PALLD: variants seen among roughly 807,000 people sequenced by gnomAD.
PALLD encodes the protein palladin, cytoskeletal associated protein.
In PALLD, 61 loss-of-function variants were observed where a neutral mutation model predicts 123.5. That is an observed-to-expected ratio of 0.49 (90% CI 0.40 to 0.61). PALLD has a LOEUF of 0.61. Ranked by LOEUF, PALLD falls within the 20% of genes least tolerant of loss-of-function variation. The pLI, the probability that PALLD is intolerant of heterozygous loss-of-function variation, is 0.00. For synonymous variants in PALLD, 465 were observed against 496.4 expected, an observed-to-expected ratio of 0.94 and a Z score of 0.84; for missense variants, 1,273 against 1,377.0, an observed-to-expected ratio of 0.92 and a Z score of 1.20.
At chr4:168,729,372 C>T (rs1786925375) in intron 10 of PALLD, among the ~76,000 whole-genome samples, 1 of 151,922 alleles carries the variant, frequency 6.6e-6, no homozygotes, top group Non-Finnish European at 1.5e-5. Flanking sequence ...CTATGTTGCC[C>T]AGGCTGGTCT....
At chr4:168,530,873 G>T (rs200469001) in intron 2 of PALLD, among the ~76,000 whole-genome samples, 2 of 152,132 alleles carry the variant, frequency 1.3e-5, no homozygotes, top group East Asian at 3.9e-4. Context: ...TTTCTTCTCA[G>T]CTTTCTCTTT....
chr4:168,709,633 A>G (rs377453383), intron 9 of PALLD, among the ~76,000 whole-genome samples: 3 of 280 alleles, frequency 0.011, 1 homozygote, highest in African/African-American at 0.042. Context: ...GGAAGGAAGG[A>G]AGGAAGGAAG....
At chr4:168,783,640 G>A (rs990370118) in intron 10 of PALLD, among the ~76,000 whole-genome samples, 6 of 152,146 alleles carry the variant, frequency 3.9e-5, no homozygotes, top group African/African-American at 4.8e-5. Flanking sequence ...TAGCTTCCTC[G>A]TAGGGCTGTC....
chr4:168,810,061 G>A (rs1490533339), intron 10 of PALLD, among the ~76,000 whole-genome samples: 1 of 151,762 alleles, frequency 6.6e-6, no homozygotes, highest in Admixed American at 6.6e-5. Context: ...GGGAGCACTA[G>A]GAAGAGGAAT....
chr4:168,722,726 A>G (rs1244546408), intron 10 of PALLD, among the ~76,000 whole-genome samples: 1 of 152,224 alleles, frequency 6.6e-6, no homozygotes, highest in Non-Finnish European at 1.5e-5. Flanking sequence ...TTATTTCAGC[A>G]ATAATGAGCA....
chr4:168,712,815 G>T (rs1030925061), intron 10 of PALLD, among the ~76,000 whole-genome samples: 3 of 152,064 alleles, frequency 2.0e-5, no homozygotes, highest in Admixed American at 2.0e-4. Context: ...TTTTTGATTT[G>T]GGGCAGGAAG....
intron 2 of PALLD, among the ~76,000 whole-genome samples, chr4:168,557,133 T>C (rs1392101525): frequency 1.3e-5 from 2 of 152,136 alleles, no homozygotes; most frequent in Non-Finnish European, 2.9e-5. Context: ...AACCTCCACC[T>C]CCCGGCTTCA....
At chr4:168,742,782 C>T (rs1788487239) in intron 10 of PALLD, among the ~76,000 whole-genome samples, 1 of 152,122 alleles carries the variant, frequency 6.6e-6, no homozygotes, top group South Asian at 2.1e-4. Flanking sequence ...ATATGTTAAT[C>T]ATAAGCTCTG....
intron 2 of PALLD, among the ~76,000 whole-genome samples, chr4:168,655,945 A>G: frequency 6.6e-6 from 1 of 152,218 alleles, no homozygotes; most frequent in Non-Finnish European, 1.5e-5. Context: ...CATAGAGTCG[A>G]AGACACCAAT....
chr4:168,850,519 A>ATTTTTT (rs1374881847), intron 10 of PALLD, among the ~76,000 whole-genome samples: 2 of 24,686 alleles, frequency 8.1e-5, no homozygotes, highest in African/African-American at 2.4e-4. Context: ...TAAGTCTGTC[A>ATTTTTT]TTTCTTTTTT....
rs553592186 is a variant in PALLD, at chr4:168,713,239, C to T, written c.1964+1316C>T. On this transcript the variant is annotated intron_variant, in intron 10 of 21. Coordinates refer to ENST00000505667, the MANE Select transcript of PALLD (RefSeq NM_001166108.2). ...TGAACATTTAATACCTATGCGCCAT[C>T]TCCATTCAGAGGCTGAACAGGTATA... 2.6e-5 allele frequency among the ~76,000 whole-genome samples: 4 copies of T among 152,334 alleles called. 1 individual carries two copies. The highest frequency in any genetic ancestry group is 7.2e-5 in the African/African-American group (3 of 41,572).
chr4:168,515,444 G>A (rs559941881), intron 2 of PALLD, among the ~76,000 whole-genome samples: 1 of 152,326 alleles, frequency 6.6e-6, no homozygotes, highest in African/African-American at 2.4e-5. Context: ...GCAGTTGACA[G>A]ACGTGTGGAG....
chr4:168,587,967 A>C (rs991202395), intron 2 of PALLD, among the ~76,000 whole-genome samples: 17 of 152,014 alleles, frequency 1.1e-4, no homozygotes, highest in Non-Finnish European at 1.9e-4. Flanking sequence ...ACAAGAAGGG[A>C]GTCTCCTGGT....
At chr4:168,822,267 T>G (rs1742832310) in intron 10 of PALLD, among the ~76,000 whole-genome samples, 1 of 152,080 alleles carries the variant, frequency 6.6e-6, no homozygotes, top group Non-Finnish European at 1.5e-5. Context: ...GTTTTAGATT[T>G]TTTTCTTTTT....
intron 2 of PALLD, among the ~76,000 whole-genome samples, chr4:168,558,333 C>A (rs1269191192): frequency 6.6e-6 from 1 of 152,210 alleles, no homozygotes; most frequent in Non-Finnish European, 1.5e-5. Context: ...CAGGTTAGAC[C>A]CCAGTCCATG....
At chr4:168,687,124 G>A (rs1193423471) in intron 6 of PALLD, among the ~76,000 whole-genome samples, 2 of 152,190 alleles carry the variant, frequency 1.3e-5, no homozygotes, top group African/African-American at 4.8e-5. Context: ...TAAAACTTTT[G>A]TGAGGCAGTA....
In PALLD at chr4:168,511,825, G is replaced by C. The variant is rs1561192471; in HGVS notation, c.321G>C (p.Glu107Asp). ...CAACACCTGTCCAGCCTCTGGCAGAGAAACAAACTAAGAGTATCTCTTCAC... is the reference window on the plus strand; with the variant it reads ...CAACACCTGTCCAGCCTCTGGCAGACAAACAAACTAAGAGTATCTCTTCAC... ...NRSTPVQPLA[E>D]KQTKSISSPV... The change falls in exon 2 of 22, where the codon GAG becomes GAC. Residue 107 changes from glutamate to aspartate, a missense_variant. Transcript: ENST00000505667. 6.2e-7 allele frequency: 1 copy of C among 1,614,152 alleles called. No homozygotes were observed. Among genetic ancestry groups the C allele is most frequent in the South Asian group, 1.1e-5 (1 of 91,082 alleles).
rs142277103 is a variant in PALLD at position 168,688,680 on chromosome 4, A to T, written c.1336-1923A>T. 6.2e-3 allele frequency among the ~76,000 whole-genome samples: 952 copies of T among 152,336 alleles called. 10 individuals are homozygous for T. Among genetic ancestry groups the T allele is most frequent in the African/African-American group, 0.021 (873 of 41,582 alleles). On this transcript the variant is annotated intron_variant, in intron 6 of 21. Coordinates refer to ENST00000505667, the MANE Select transcript of PALLD (RefSeq NM_001166108.2). ...TTGCCAAGATAAAAATGTTAGCTCC[A>T]GGAGGATCCAAATGGCAATCCTGGA...
At chr4:168,727,924 T>A (rs942393354) in intron 10 of PALLD, among the ~76,000 whole-genome samples, 1 of 152,228 alleles carries the variant, frequency 6.6e-6, no homozygotes, top group South Asian at 2.1e-4. Flanking sequence ...TTCTTTTGCA[T>A]AGGGCTAGCC....
Sources: allele counts gnomAD v4.1 joint callset (sites outside exome capture counted in the v4.1 genomes callset), GRCh38; gene constraint gnomAD v4.1.1; transcripts MANE v1.5; gene names NCBI Gene and HGNC (gene_info 2026-07-23, HGNC 2026-07-21).